Variants in DAB1 observed in about 807,000 individuals in gnomAD.
The protein encoded by DAB1 is DAB adaptor protein 1, also known as disabled homolog 1.
DAB1 carries 15 observed loss-of-function variants against 64.6 expected under a neutral mutation model. The ratio of observed to expected loss-of-function variants is 0.23; its 90% CI spans 0.16 to 0.36. DAB1 has a LOEUF of 0.36. Ranked by LOEUF, DAB1 falls within the 10% of genes least tolerant of loss-of-function variation. The probability of loss-of-function intolerance (pLI) is 1.00; values close to 1 mark genes in which losing one functional copy is unlikely to be tolerated. For missense variants in DAB1, 596 were observed against 706.7 expected (o/e 0.84, Z 1.78); for synonymous variants, 235 against 251.9 (o/e 0.93, Z 0.64).
intron 3 of DAB1, among the ~76,000 whole-genome samples, chr1:58,475,655 G>A (rs1645412233): frequency 1.3e-5 from 2 of 152,154 alleles, no homozygotes; most frequent in African/African-American, 4.8e-5. Flanking sequence ...TCACAGCCCA[G>A]ATGAAGACAT....
chr1:58,417,843 G>T (rs915932763), intron 3 of DAB1, among the ~76,000 whole-genome samples: 4 of 152,118 alleles, frequency 2.6e-5, no homozygotes, highest in Non-Finnish European at 5.9e-5. Flanking sequence ...ACCCTTGAGG[G>T]AACTGTCCTG....
rs567048074 is a variant in DAB1 at position 57,524,447 on chromosome 1, T to C, written n.625+125145A>G. 5.7e-4 allele frequency among the ~76,000 whole-genome samples: 87 copies of C among 152,288 alleles called. 3 individuals are homozygous for C. In the South Asian group the frequency reaches 0.017, roughly 29 times the overall value. ...ACCAAACAGGCTTTGTGTGAGCACATAGATGTTTATTTCACCTGGGTGCAG... is the reference window on the plus strand; with the variant it reads ...ACCAAACAGGCTTTGTGTGAGCACACAGATGTTTATTTCACCTGGGTGCAG... On this transcript the variant is annotated intron_variant and non_coding_transcript_variant, in intron 7 of 20. Transcript: ENST00000485760.
chr1:57,781,126 C>CTCTCTCTCTA (rs1557477160), intron 6 of DAB1, among the ~76,000 whole-genome samples: 3 of 27,726 alleles, frequency 1.1e-4, no homozygotes, highest in Non-Finnish European at 1.9e-4. Context: ...CTCTCTCTCT[C>CTCTCTCTCTA]TATATATATA....
intron 7 of DAB1, among the ~76,000 whole-genome samples, chr1:57,575,934 CA>C (rs1433935848): frequency 6.6e-6 from 1 of 152,050 alleles, no homozygotes; most frequent in East Asian, 1.9e-4. Context: ...GTTCACCCCC[CA>C]AAAAATATGT....
chr1:57,902,766 T>G (rs1644494827), intron 5 of DAB1, among the ~76,000 whole-genome samples: 1 of 152,222 alleles, frequency 6.6e-6, no homozygotes, highest in African/African-American at 2.4e-5. Flanking sequence ...ACCTTTTCCC[T>G]GTGTAATCCA....
chr1:57,481,934 A>G (rs12044787), intron 7 of DAB1, among the ~76,000 whole-genome samples: 31,949 of 152,168 alleles, frequency 0.21, 4,339 homozygotes, highest in African/African-American at 0.39. Flanking sequence ...AAGAAATTAA[A>G]CCACTATGAA....
chr1:57,252,328 C>T lies in DAB1; in HGVS notation c.67+38636G>A, dbSNP rs972603400. 3.9e-5 allele frequency among the ~76,000 whole-genome samples: 6 copies of T among 152,304 alleles called. No individual in the cohort carries two copies. In the South Asian group the frequency reaches 1.0e-3, roughly 26 times the overall value. On this transcript the variant is annotated intron_variant, in intron 2 of 14. Coordinates refer to ENST00000371236, the MANE Select transcript of DAB1 (RefSeq NM_001365792.1). ...TAATCTAAGTCCTGCATTAGCAACT[C>T]GTAGCTTACCCTGAAGAAGTCTAGA...
At chr1:57,403,448 T>C (rs269050) in intron 1 of DAB1, among the ~76,000 whole-genome samples, 13 of 151,922 alleles carry the variant, frequency 8.6e-5, no homozygotes, top group Non-Finnish European at 1.3e-4. Flanking sequence ...CCTGGACTTG[T>C]TTATGTGAGC....
chr1:57,422,844 C>G (rs1256407286), intron 1 of DAB1, among the ~76,000 whole-genome samples: 2 of 152,160 alleles, frequency 1.3e-5, no homozygotes, highest in African/African-American at 2.4e-5. Flanking sequence ...TCAGGCCCAC[C>G]AGCACCACCA....
chr1:57,014,931 G>C lies in DAB1; in HGVS notation c.1396C>G (p.Gln466Glu). The change falls in exon 12 of 15, where the codon CAG (glutamine) becomes GAG (glutamate). Residue 466 changes from glutamine (Q) to glutamate (E), a missense_variant. By Grantham distance (29) the Gln-to-Glu change is conservative. Coordinates refer to ENST00000371236, the MANE Select transcript of DAB1 (RefSeq NM_001365792.1). The part of the protein sequence containing the change: ...TDDCDDFDIS[Q>E]LNLTPVTSTT... The stretch of plus-strand genomic sequence containing the variant: ...GAAGTCACAGGGGTCAAATTCAACT[G>C]GGAGATGTCAAAGTCATCACAGTCG... The C allele has an allele frequency of 6.2e-7, 1 of 1,606,772 alleles. No individual in the cohort carries two copies. Among genetic ancestry groups the C allele is most frequent in the Non-Finnish European group, 8.5e-7 (1 of 1,176,210 alleles).
chr1:58,401,268 G>A (rs849481), intron 3 of DAB1, among the ~76,000 whole-genome samples: 60,538 of 151,996 alleles, frequency 0.4, 12,366 homozygotes, highest in African/African-American at 0.49. Flanking sequence ...TTACATAACT[G>A]ACCTCGTCTT....
intron 2 of DAB1, among the ~76,000 whole-genome samples, chr1:57,207,131 G>A (rs1033067675): frequency 2.6e-5 from 4 of 151,580 alleles, no homozygotes; most frequent in Non-Finnish European, 5.9e-5. Context: ...ACTGTGCCTG[G>A]CTAATTTTTG....
chr1:57,070,745 C>T (rs1651371575), intron 7 of DAB1: 1 of 453,064 alleles, frequency 2.2e-6, no homozygotes, highest in Non-Finnish European at 4.1e-6. Context: ...AAACATTCAG[C>T]TCTGGGATCA....
At chr1:57,795,725 ATATATATATC>A (rs1454169045) in intron 6 of DAB1, among the ~76,000 whole-genome samples, 1 of 118,586 alleles carries the variant, frequency 8.4e-6, no homozygotes, top group South Asian at 2.7e-4. Flanking sequence ...ATATATATAT[ATATATATATC>A]ATACACATGT....
Position 58,243,920 on chromosome 1 carries a change from C to T in DAB1, n.310-93332G>A, listed in dbSNP as rs10493245. Among the ~76,000 whole-genome samples, 2,760 of 151,814 alleles carry T rather than the reference C, an allele frequency of 0.018. 226 individuals are homozygous for T. The East Asian group carries it at 0.23, about 13-fold the overall frequency. ...CTTTTTAGACAATTATCCTTCTGTG[C>T]ATAGGGTTGACAATGAAAAAAAAAC... On this transcript the variant is annotated intron_variant and non_coding_transcript_variant, in intron 4 of 20. Coordinates refer to the DAB1 transcript ENST00000485760.
intron 4 of DAB1, among the ~76,000 whole-genome samples, chr1:58,231,479 T>G (rs946382176): frequency 2.6e-5 from 4 of 152,062 alleles, no homozygotes; most frequent in African/African-American, 9.7e-5. Context: ...CTCTGCCACA[T>G]AAGGGAGAGG....
At chr1:57,100,550 T>A (rs1042251878) in intron 4 of DAB1, among the ~76,000 whole-genome samples, 3 of 152,162 alleles carry the variant, frequency 2.0e-5, no homozygotes, top group Non-Finnish European at 4.4e-5. Context: ...AAAGGCACTA[T>A]AAACTGTAAT....
chr1:57,142,277 T>C lies in DAB1; in HGVS notation c.207+3013A>G, dbSNP rs187929902. 5.0e-3 allele frequency among the ~76,000 whole-genome samples: 760 copies of C among 152,278 alleles called. 7 individuals carry two copies. Among genetic ancestry groups the C allele is most frequent in the Non-Finnish European group, 8.4e-3 (574 of 68,022 alleles). On this transcript the variant is annotated intron_variant, in intron 3 of 14. Transcript: ENST00000371236. Reference sequence around the variant, plus strand: ...CAAAGGAAACAGAATTTTTTATTTCTCATATGGCCTAACGTGAGTAAGTGG... The same window carrying C: ...CAAAGGAAACAGAATTTTTTATTTCCCATATGGCCTAACGTGAGTAAGTGG...
At chr1:58,542,990 TA>T (rs1553126248) in intron 1 of DAB1, among the ~76,000 whole-genome samples, 7 of 145,278 alleles carry the variant, frequency 4.8e-5, no homozygotes, top group East Asian at 4.0e-4. Flanking sequence ...AAAGCTTTTT[TA>T]AAAAAAAAAA....
Sources: allele counts gnomAD v4.1 joint callset (sites outside exome capture counted in the v4.1 genomes callset), GRCh38; gene constraint gnomAD v4.1.1; transcripts MANE v1.5; gene names NCBI Gene and HGNC (gene_info 2026-07-23, HGNC 2026-07-21).